Variants in MACF1 observed in about 807,000 individuals in gnomAD.
MACF1 encodes microtubule actin crosslinking factor 1.
In MACF1, 193 loss-of-function variants were observed where a neutral mutation model predicts 854.8. That is an observed-to-expected ratio of 0.23 (90% CI 0.20 to 0.25). The LOEUF (loss-of-function observed/expected upper bound fraction) is 0.25. Among genes scored for constraint, MACF1 ranks in the 10% least tolerant of loss-of-function variants. The probability of loss-of-function intolerance (pLI) is 1.00; values close to 1 mark genes in which losing one functional copy is unlikely to be tolerated. For missense variants in MACF1, 7,722 were observed against 8,929.1 expected (o/e 0.86, Z 5.45); for synonymous variants, 3,185 against 3,226.7 (o/e 0.99, Z 0.44).
intron 2 of MACF1, among the ~76,000 whole-genome samples, chr1:39,097,347 A>G (rs1315832936): frequency 6.6e-6 from 1 of 152,110 alleles, no homozygotes; most frequent in Non-Finnish European, 1.5e-5. Context: ...AGTATAATTA[A>G]ACTAAATATC....
At chr1:39,278,660 C>T (rs1645485305) in intron 6 of MACF1, among the ~76,000 whole-genome samples, 3 of 152,088 alleles carry the variant, frequency 2.0e-5, no homozygotes, top group Non-Finnish European at 4.4e-5. Flanking sequence ...TTAATATGTA[C>T]GTGAAGCAGC....
At chr1:39,231,087 G>C in intron 1 of MACF1, 95 bp from the exon 2 acceptor site, 1 of 929,286 alleles carries the variant, frequency 1.1e-6, no homozygotes, top group Non-Finnish European at 1.8e-6. Flanking sequence ...TGGGTAAGTT[G>C]TTCTAGAGAA....
chr1:39,214,322 C>T (rs1644550387), intron 1 of MACF1, among the ~76,000 whole-genome samples: 1 of 152,170 alleles, frequency 6.6e-6, no homozygotes, highest in South Asian at 2.1e-4. Context: ...GCTGGGCCAG[C>T]TGAATGAAAA....
At chr1:39,215,101 C>T (rs1255653895) in intron 1 of MACF1, among the ~76,000 whole-genome samples, 1 of 152,186 alleles carries the variant, frequency 6.6e-6, no homozygotes, top group African/African-American at 2.4e-5. Flanking sequence ...GTTGGTGCTA[C>T]TTTTGAACAG....
At chr1:39,221,295 C>T (rs919692116) in intron 1 of MACF1, among the ~76,000 whole-genome samples, 1 of 151,832 alleles carries the variant, frequency 6.6e-6, no homozygotes, top group East Asian at 2.0e-4. Flanking sequence ...TGATCAAATC[C>T]GTAAAGGATT....
At chr1:39,220,186 T>G (rs982852256) in intron 1 of MACF1, among the ~76,000 whole-genome samples, 2 of 151,758 alleles carry the variant, frequency 1.3e-5, no homozygotes, top group Non-Finnish European at 2.9e-5. Context: ...AAAAAAAAAT[T>G]TTTTTTTGAG....
chr1:39,399,849 T>A (rs1302413731), intron 58 of MACF1, among the ~76,000 whole-genome samples: 1 of 152,234 alleles, frequency 6.6e-6, no homozygotes, highest in African/African-American at 2.4e-5. Context: ...GTAGTTAGCA[T>A]ATTGGTATAT....
At chr1:39,307,153 G>A (rs1646198376) in intron 23 of MACF1, among the ~76,000 whole-genome samples, 1 of 152,052 alleles carries the variant, frequency 6.6e-6, no homozygotes, top group Non-Finnish European at 1.5e-5. Flanking sequence ...GGGATTACAG[G>A]TGTGAGCCAC....
At chr1:39,360,140 A>G (rs1251973358) in intron 47 of MACF1, among the ~76,000 whole-genome samples, 3 of 148,864 alleles carry the variant, frequency 2.0e-5, no homozygotes, top group Non-Finnish European at 4.5e-5. Context: ...CTGTGAGAGT[A>G]TATTTTAAGT....
chr1:39,088,852 T>G (rs984525216), intron 2 of MACF1, among the ~76,000 whole-genome samples: 2 of 151,992 alleles, frequency 1.3e-5, no homozygotes, highest in East Asian at 3.9e-4. Flanking sequence ...ACGTGTACAT[T>G]TATTATTACA....
chr1:39,403,845 G>A (rs1168687901), intron 58 of MACF1, among the ~76,000 whole-genome samples: 1 of 152,092 alleles, frequency 6.6e-6, no homozygotes, highest in African/African-American at 2.4e-5. Context: ...TTTGGGCGGG[G>A]GGGCCGGGCT....
chr1:39,242,111 G>A (rs1023930738), intron 2 of MACF1, among the ~76,000 whole-genome samples: 50 of 152,226 alleles, frequency 3.3e-4, no homozygotes, highest in Non-Finnish European at 4.7e-4. Context: ...ACTTTGGGAG[G>A]CTGAGGCGGG....
chr1:39,338,989 A>T (rs763359776), intron 38 of MACF1, among the ~76,000 whole-genome samples: 2 of 152,226 alleles, frequency 1.3e-5, no homozygotes, highest in Non-Finnish European at 2.9e-5. Context: ...GAAAAAAAAC[A>T]TACTGAGGGC....
intron 1 of MACF1, among the ~76,000 whole-genome samples, chr1:39,222,085 C>T (rs973991001): frequency 1.3e-5 from 2 of 152,098 alleles, no homozygotes; most frequent in Non-Finnish European, 2.9e-5. Context: ...ATCCTGTATA[C>T]TTACATGTCT....
At chr1:39,358,398 T>C (rs926230634) in intron 45 of MACF1, among the ~76,000 whole-genome samples, 2 of 152,214 alleles carry the variant, frequency 1.3e-5, no homozygotes, top group Admixed American at 6.5e-5. Flanking sequence ...AAGAATACTT[T>C]TTGCACTTCT....
rs1645563184 is a variant in MACF1, at chr1:39,282,282, G to C, written c.603G>C (p.Lys201Asn). 1 of 1,614,006 alleles carries C rather than the reference G, an allele frequency of 6.2e-7. No homozygotes were observed. The change falls in exon 7 of 101, where the codon AAG becomes AAC. Residue 201 changes from lysine to asparagine, a missense_variant. By Grantham distance (94) the Lys-to-Asn change is moderately conservative (BLOSUM62 0). This residue lies in a region of MACF1 where 108 missense variants were observed against 196.4 expected (regional missense o/e 0.55). Transcript: ENST00000564288. ...AKEKLLLWTQ[K>N]VTAGYTGIKC... ...AGAAACTACTCCTGTGGACCCAGAA[G>C]GTGACAGCTGGTTACACAGGAATCA...
chr1:39,319,267 G>A (rs1158440754), intron 30 of MACF1, among the ~76,000 whole-genome samples: 1 of 152,152 alleles, frequency 6.6e-6, no homozygotes, highest in Non-Finnish European at 1.5e-5. Context: ...TTCTCAAAGT[G>A]TGGACCCCAG....
Position 39,459,115 on chromosome 1 carries a change from C to A in MACF1, c.21226C>A (p.Pro7076Thr). The change falls in exon 91 of 101, where the codon CCC (proline) becomes ACC (threonine). Residue 7076 changes from proline (P) to threonine (T), a missense_variant. By Grantham distance (38) the Pro-to-Thr change is conservative. Transcript: ENST00000564288. ...ATCCCTAAGTCAGCCAACCCCTCCT[C>A]CCATGCCAATCCTTTCACAGTCTGA... ...RKSLSQPTPP[P>T]MPILSQSEAK... 1 of 1,613,934 alleles carries A rather than the reference C, an allele frequency of 6.2e-7. No individual in the cohort carries two copies. The highest frequency in any genetic ancestry group is 8.5e-7 in the Non-Finnish European group (1 of 1,179,948).
chr1:39,447,303 G>A (rs995946247), intron 80 of MACF1, 129 bp from the exon 81 acceptor site: 1 of 830,082 alleles, frequency 1.2e-6, no homozygotes, highest in African/African-American at 1.7e-5. Flanking sequence ...TTTGGACGTT[G>A]ATTAAATGAG....
Sources: allele counts gnomAD v4.1 joint callset (sites outside exome capture counted in the v4.1 genomes callset), GRCh38; gene constraint gnomAD v4.1.1; regional missense constraint gnomAD v4.1.1; transcripts MANE v1.5; gene names NCBI Gene and HGNC (gene_info 2026-07-23, HGNC 2026-07-21).